BRINP2: variants seen among roughly 807,000 people sequenced by gnomAD.
The protein encoded by BRINP2 is BMP/retinoic acid-inducible neural-specific protein 2.
BRINP2 carries 21 observed loss-of-function variants against 69.2 expected under a neutral mutation model. The ratio of observed to expected loss-of-function variants is 0.30; its 90% confidence interval spans 0.22 to 0.44. The LOEUF (loss-of-function observed/expected upper bound fraction) is 0.44, where lower values mean the gene tolerates loss of function less well. BRINP2 is among the 20% of genes least tolerant of loss of function. The pLI is 1.00. For missense variants in BRINP2, 877 were observed against 986.0 expected (o/e 0.89, Z 1.48); for synonymous variants, 380 against 394.1 (o/e 0.96, Z 0.42).
At chr1:177,280,059 A>AG (rs1167170702) in intron 7 of BRINP2, among the ~76,000 whole-genome samples, 1 of 152,242 alleles carries the variant, frequency 6.6e-6, no homozygotes, top group Non-Finnish European at 1.5e-5. Flanking sequence ...GAAGATTTGA[A>AG]GAACCATCTT....
At chr1:177,254,073 C>T (rs1004011693) in intron 2 of BRINP2, among the ~76,000 whole-genome samples, 2 of 151,998 alleles carry the variant, frequency 1.3e-5, no homozygotes, top group African/African-American at 4.8e-5. Context: ...TAAATTTCAT[C>T]CCAAGACAAA....
intron 4 of BRINP2, among the ~76,000 whole-genome samples, chr1:177,266,777 AAAAG>A (rs1558183534): frequency 6.6e-6 from 1 of 151,288 alleles, no homozygotes; most frequent in Non-Finnish European, 1.5e-5. Flanking sequence ...AAAAAAAAAA[AAAAG>A]AAAGAAAAAA....
At chr1:177,277,630 G>T (rs74920193) in intron 6 of BRINP2, among the ~76,000 whole-genome samples, 9,140 of 151,820 alleles carry the variant, frequency 0.06, 299 homozygotes, top group African/African-American at 0.068. Flanking sequence ...GGCCCCAGGG[G>T]TTGCCATTTT....
intron 1 of BRINP2, among the ~76,000 whole-genome samples, chr1:177,210,793 C>G (rs747769119): frequency 4.6e-5 from 7 of 151,238 alleles, no homozygotes; most frequent in Non-Finnish European, 1.0e-4. Context: ...ATTATCTAAA[C>G]TGAGATGTGC....
At chr1:177,214,340 G>GGA (rs1325944945) in intron 1 of BRINP2, among the ~76,000 whole-genome samples, 3 of 152,144 alleles carry the variant, frequency 2.0e-5, no homozygotes, top group Admixed American at 2.0e-4. Flanking sequence ...GGCCAAGGCA[G>GGA]GAGAATCACT....
At chr1:177,219,648 G>T (rs570122596) in intron 1 of BRINP2, among the ~76,000 whole-genome samples, 2 of 152,342 alleles carry the variant, frequency 1.3e-5, no homozygotes, top group East Asian at 3.9e-4. Context: ...ATTCTGGTTT[G>T]TGCCAAGGTC....
intron 1 of BRINP2, among the ~76,000 whole-genome samples, chr1:177,192,002 A>G (rs1056323321): frequency 6.6e-6 from 1 of 152,244 alleles, no homozygotes; most frequent in Admixed American, 6.5e-5. Flanking sequence ...AAAATAAAAG[A>G]ATACAATGAA....
At chr1:177,199,458 A>G (rs112952225) in intron 1 of BRINP2, among the ~76,000 whole-genome samples, 11 of 152,256 alleles carry the variant, frequency 7.2e-5, no homozygotes, top group African/African-American at 2.6e-4. Flanking sequence ...CCCTTCCCCA[A>G]ATGTCCCAGG....
At position 177,208,613 on chromosome 1, in the gene BRINP2, A is replaced by G. The variant is rs549597524; in HGVS notation, c.-76-21188A>G. On this transcript the variant is annotated intron_variant, in intron 1 of 7. Transcript: ENST00000361539. ...TACATTCTACATTTGCATCATAGCC[A>G]CAGATTTTTTTTTTCTTCATCTTCT... Among the ~76,000 whole-genome samples the G allele has an allele frequency of 5.9e-5, 9 of 151,808 alleles. No individual in the cohort carries two copies. In the East Asian group the frequency reaches 1.7e-3, roughly 29 times the overall value.
At position 177,280,930 on chromosome 1, in the gene BRINP2, T is replaced by A; in HGVS notation, c.1754T>A (p.Val585Asp). ...ACCAAGAACAGCACCCTGGAGCCTGTCATGGCCATCTACGTCAACCCCTTT... is the reference window on the plus strand; with the variant it reads ...ACCAAGAACAGCACCCTGGAGCCTGACATGGCCATCTACGTCAACCCCTTT... ...CLTKNSTLEP[V>D]MAIYVNPFGG... The change falls in exon 8 of 8, where the codon GTC becomes GAC. Residue 585 changes from valine to aspartate, a missense_variant. Val to Asp is a radical substitution (Grantham distance 152, BLOSUM62 -3). Around this residue, in one of 3 missense-constraint regions of BRINP2, gnomAD observed 86 missense variants for 142.1 expected, o/e 0.61. Coordinates refer to ENST00000361539, the MANE Select transcript of BRINP2 (RefSeq NM_021165.4). 1 of 1,614,146 alleles carries A rather than the reference T, an allele frequency of 6.2e-7. No homozygotes were observed. Among genetic ancestry groups the A allele is most frequent in the Non-Finnish European group, 8.5e-7 (1 of 1,180,020 alleles).
At chr1:177,241,308 A>T (rs972951452) in intron 2 of BRINP2, among the ~76,000 whole-genome samples, 3 of 152,190 alleles carry the variant, frequency 2.0e-5, no homozygotes, top group Non-Finnish European at 2.9e-5. Flanking sequence ...CTAAAACATT[A>T]TGAAGATCTT....
intron 4 of BRINP2, among the ~76,000 whole-genome samples, chr1:177,265,134 C>T (rs1349013917): frequency 6.6e-6 from 1 of 152,006 alleles, no homozygotes; most frequent in Non-Finnish European, 1.5e-5. Context: ...AGAACAGAGG[C>T]CTTAGAAATA....
intron 1 of BRINP2, among the ~76,000 whole-genome samples, chr1:177,190,434 C>T (rs907594267): frequency 2.0e-5 from 3 of 152,192 alleles, no homozygotes; most frequent in South Asian, 4.1e-4. Flanking sequence ...CTGCTTATGT[C>T]GCACTTCTCT....
chr1:177,214,364 C>T (rs113175301), intron 1 of BRINP2, among the ~76,000 whole-genome samples: 10,319 of 151,822 alleles, frequency 0.068, 405 homozygotes, highest in Non-Finnish European at 0.093. Context: ...ACCTGGGAGG[C>T]GGAGGTTGCA....
intron 1 of BRINP2, among the ~76,000 whole-genome samples, chr1:177,193,289 A>G (rs1449031938): frequency 2.0e-5 from 3 of 152,186 alleles, no homozygotes; most frequent in East Asian, 3.9e-4. Context: ...ATGTTTCCAA[A>G]CAGTTTTGAT....
intron 1 of BRINP2, among the ~76,000 whole-genome samples, chr1:177,184,003 C>T (rs1648342370): frequency 6.6e-6 from 1 of 152,206 alleles, no homozygotes; most frequent in African/African-American, 2.4e-5. Flanking sequence ...GCTCTATTAT[C>T]TTGATTTCCT....
chr1:177,227,089 A>T (rs1649716088), intron 1 of BRINP2, among the ~76,000 whole-genome samples: 1 of 152,152 alleles, frequency 6.6e-6, no homozygotes, highest in African/African-American at 2.4e-5. Context: ...CTCAAATTCA[A>T]CTGATTAGCA....
intron 2 of BRINP2, among the ~76,000 whole-genome samples, chr1:177,231,239 G>A (rs1649855082): frequency 6.6e-6 from 1 of 152,142 alleles, no homozygotes; most frequent in African/African-American, 2.4e-5. Flanking sequence ...GGAAATTGAG[G>A]CCCAAAGAAG....
intron 1 of BRINP2, among the ~76,000 whole-genome samples, chr1:177,182,023 G>A (rs771758965): frequency 7.2e-5 from 11 of 152,186 alleles, no homozygotes; most frequent in Non-Finnish European, 1.5e-4. Flanking sequence ...GTGCGTGCGC[G>A]TGTGCGGAGA....
Sources: gnomAD v4.1 joint callset for allele counts (sites outside exome capture counted in the v4.1 genomes callset) on GRCh38, gnomAD v4.1.1 for gene constraint, gnomAD v4.1.1 regional missense constraint, MANE v1.5 for transcripts, NCBI Gene and HGNC (gene_info 2026-07-23, HGNC 2026-07-21) for gene names.